DENND2D: variants seen among roughly 807,000 people sequenced by gnomAD.
DENND2D encodes the protein DENN domain-containing protein 2D.
In DENND2D, 37 loss-of-function variants were observed where a neutral mutation model predicts 59.8. The ratio of observed to expected loss-of-function variants is 0.62; its 90% CI spans 0.48 to 0.81. The LOEUF is 0.81. Ranked by LOEUF, DENND2D falls within the 40% of genes least tolerant of loss-of-function variation. The pLI is 0.00. For missense variants in DENND2D, 525 were observed against 579.7 expected (o/e 0.91, Z 0.97); for synonymous variants, 219 against 211.3 (o/e 1.04, Z -0.31).
chr1:111,199,498 A>G (rs975053328), intron 2 of DENND2D, 125 bp downstream of exon 2: 9 of 1,079,496 alleles, frequency 8.3e-6, no homozygotes, highest in Non-Finnish European at 1.2e-5. Flanking sequence ...CAGTGAGCTC[A>G]GAGCTCAGGG....
Position 111,189,265 on chromosome 1 carries a change from A to G in DENND2D, c.973-12T>C, listed in dbSNP as rs1237944633. On this transcript the variant is annotated splice_polypyrimidine_tract_variant and intron_variant, in intron 8 of 11. Transcript: ENST00000357640. ...TTGACCAGCAGGACCTGAAATAAAC[A>G]TAGACTGGCTTTCTCTGGTCCTCTT... 1 of 1,614,194 alleles carries G rather than the reference A, an allele frequency of 6.2e-7. No homozygotes were observed. Among genetic ancestry groups the G allele is most frequent in the African/African-American group, 1.3e-5 (1 of 75,070 alleles).
At position 111,192,230 on chromosome 1, in the gene DENND2D, G is replaced by A. The variant is rs140593688; in HGVS notation, c.882C>T (p.Ser294=). 1.4e-5 allele frequency: 22 copies of A among 1,613,912 alleles called. No homozygotes were observed. The African/African-American group carries it at 2.5e-4, about 19-fold the overall frequency. ...TGGGGCAGCAGACGGTGGCCAGAAG[G>A]CTCTCAGGGACAACAGGGATGTAGG... is the stretch of plus-strand genomic sequence containing the variant. ...AHTYIPVVPE[S]LLATVCCPTP... The change falls in exon 8 of 12, where the codon AGC becomes AGT. Residue 294 remains serine (S), a synonymous_variant. Transcript: ENST00000357640.
Position 111,186,420 on chromosome 1 carries a change from TGGCTTG to T in DENND2D, c.*1179_*1184del, listed in dbSNP as rs1657255440. Among the ~76,000 whole-genome samples, 1 of 152,218 alleles carries T rather than the reference TGGCTTG, an allele frequency of 6.6e-6. No individual in the cohort carries two copies. The highest frequency in any genetic ancestry group is 1.5e-5 in the Non-Finnish European group (1 of 68,034). On this transcript the variant is annotated 3_prime_UTR_variant, in exon 12 of 12. Transcript: ENST00000357640. ...CTGCACTCCCAAAAGCAAATTACATTGGCTTGAACTTCAGTATGCCCGGTTCCACCC... is the reference window on the plus strand; with the variant it reads ...CTGCACTCCCAAAAGCAAATTACATTAACTTCAGTATGCCCGGTTCCACCC...
chr1:111,197,073 G>T, intron 5 of DENND2D, 103 bp downstream of exon 5: 1 of 1,312,566 alleles, frequency 7.6e-7, no homozygotes, highest in Non-Finnish European at 1.1e-6. Flanking sequence ...TGCTGACTCT[G>T]GCTATGGGAG....
chr1:111,197,216 C>G lies in DENND2D; in HGVS notation c.464G>C (p.Cys155Ser). 1 of 1,613,884 alleles carries G rather than the reference C, an allele frequency of 6.2e-7. No individual in the cohort carries two copies. Among genetic ancestry groups the G allele is most frequent in the South Asian group, 1.1e-5 (1 of 91,006 alleles). Residue 155 changes from cysteine to serine, a missense_variant, in exon 5 of 12, where the codon TGC becomes TCC. By Grantham distance (112) the Cys-to-Ser change is moderately radical (BLOSUM62 -1). This residue lies in a region of DENND2D where 253 missense variants were observed against 246.4 expected (regional missense o/e 1.03). Transcript: ENST00000357640. The part of the protein sequence containing the change: ...GPGPRLPKVY[C>S]IISCIGCFGL... ...GAAGCAGCCGATGCAGCTGATGATGCAGTACACTTTGGGAAGGCGAGGGCC... is the reference window on the plus strand; with the variant it reads ...GAAGCAGCCGATGCAGCTGATGATGGAGTACACTTTGGGAAGGCGAGGGCC...
intron 4 of DENND2D, 62 bp from the exon 5 acceptor site, chr1:111,197,315 G>C: frequency 6.4e-7 from 1 of 1,569,150 alleles, no homozygotes; most frequent in South Asian, 1.2e-5. Flanking sequence ...CTCCCAACTG[G>C]GTATGAAGGA....
upstream of DENND2D, chr1:111,201,386 G>C (rs1658787311): frequency 1.3e-5 from 2 of 152,228 alleles, no homozygotes; most frequent in African/African-American, 4.8e-5. Flanking sequence ...CCAGCATAAG[G>C]TAGGGGACTG....
rs1159963627 is a variant in DENND2D at position 111,197,225 on chromosome 1, T to G, written c.455A>C (p.Lys152Thr). The G allele has an allele frequency of 1.9e-6, 3 of 1,613,608 alleles. No individual in the cohort carries two copies. Among genetic ancestry groups the G allele is most frequent in the African/African-American group, 1.3e-5 (1 of 74,882 alleles). ...LPAGPGPRLP[K>T]VYCIISCIGC... ...GATGCAGCTGATGATGCAGTACACT[T>G]TGGGAAGGCGAGGGCCAGGGCCGGC... is the stretch of plus-strand genomic sequence containing the variant. Residue 152 changes from lysine (K) to threonine (T), a missense_variant, in exon 5 of 12, where the codon AAA becomes ACA. Coordinates refer to ENST00000357640, the MANE Select transcript of DENND2D (RefSeq NM_024901.5).
chr1:111,202,500 G>C (rs1387502003), upstream of DENND2D: 1 of 152,156 alleles, frequency 6.6e-6, no homozygotes, highest in Non-Finnish European at 1.5e-5. Flanking sequence ...ACCCTTTCTA[G>C]GGAAGTCAGG....
In DENND2D at chr1:111,197,753, G is replaced by A. The variant is rs1047708540; in HGVS notation, c.426+167C>T. On this transcript the variant is annotated intron_variant, in intron 4 of 11. Transcript: ENST00000357640. ...GAAGGGGCATCAGGTCCTCGTGCTT[G>A]TGGGGCTGCAGAGGGAGCACTAGCA... 30 of 1,435,622 alleles carry A rather than the reference G, an allele frequency of 2.1e-5. No homozygotes were observed. The African/African-American group carries it at 2.4e-4, about 12-fold the overall frequency. The allele number at this position is 1,435,622 out of a possible 1,614,324, so 88.9% of individuals were successfully genotyped here. A position where few individuals can be genotyped will look rare whatever the true frequency, so the allele number is the denominator to read the frequency against.
Position 111,199,689 on chromosome 1 carries a change from C to T in DENND2D, c.177G>A (p.Val59=), listed in dbSNP as rs998560492. 1.9e-6 allele frequency: 3 copies of T among 1,613,964 alleles called. No homozygotes were observed. Among genetic ancestry groups the T allele is most frequent in the African/African-American group, 1.3e-5 (1 of 74,886 alleles). ...GGQHFFEYLL[V]VSLKKKRSED... ...CTGAACGCTTCTTTTTGAGAGAAAC[C>T]ACAAGAAGGTATTCAAAGAAGTGCT... The change falls in exon 2 of 12, where the codon GTG becomes GTA. Residue 59 remains valine (V), a synonymous_variant. Coordinates refer to ENST00000357640, the MANE Select transcript of DENND2D (RefSeq NM_024901.5).
intron 8 of DENND2D, among the ~76,000 whole-genome samples, chr1:111,190,174 A>ACAAAACAAAAC (rs1553241787): frequency 6.7e-6 from 1 of 148,754 alleles, no homozygotes; most frequent in African/African-American, 2.5e-5. Context: ...AAAAAAAAAA[A>ACAAAACAAAAC]AAAAAAAAAC....
At position 111,188,354 on chromosome 1, in the gene DENND2D, G is replaced by A. The variant is rs747003367; in HGVS notation, c.1116C>T (p.Asn372=). 8 of 1,613,636 alleles carry A rather than the reference G, an allele frequency of 5.0e-6. No homozygotes were observed. Among genetic ancestry groups the A allele is most frequent in the South Asian group, 3.3e-5 (3 of 91,074 alleles). ...GCACAAAGGGGCCTGAAACATGCTC[G>A]TTGATTTGTTCTGCAGCTGCAGGAG... is the stretch of plus-strand genomic sequence containing the variant. ...INELKTAEQI[N]EHVSGPFVQF... is the part of the protein sequence containing the mutation. The change falls in exon 11 of 12, where the codon AAC becomes AAT. Residue 372 remains asparagine (N), a synonymous_variant. Coordinates refer to ENST00000357640, the MANE Select transcript of DENND2D (RefSeq NM_024901.5).
Position 111,187,699 on chromosome 1 carries a change from G to C in DENND2D, c.1340-18C>G. 1 of 1,594,848 alleles carries C rather than the reference G, an allele frequency of 6.3e-7. No homozygotes were observed. ...GAAATAGCCTGTGGGTTCAAATACA[G>C]GTGTTAGAGGCATCTGATCTGGTCA... On this transcript the variant is annotated intron_variant, in intron 11 of 11. Coordinates refer to ENST00000357640, the MANE Select transcript of DENND2D (RefSeq NM_024901.5).
upstream of DENND2D, chr1:111,200,711 A>C: frequency 7.8e-7 from 1 of 1,280,692 alleles, no homozygotes; most frequent in Non-Finnish European, 1.0e-6. Context: ...ACTGCAGCGC[A>C]GATCTCAGCT....
chr1:111,199,114 G>A (rs992984910), intron 2 of DENND2D, among the ~76,000 whole-genome samples: 3 of 152,356 alleles, frequency 2.0e-5, no homozygotes, highest in African/African-American at 7.2e-5. Flanking sequence ...GAAGCGGCCA[G>A]CTCAGTTGGC....
At chr1:111,201,350 G>A (rs936116815), upstream of DENND2D, 1 of 152,200 alleles carries the variant, frequency 6.6e-6, no homozygotes, top group Non-Finnish European at 1.5e-5. Flanking sequence ...TTCTCAAATA[G>A]GAAGCACTGG....
intron 3 of DENND2D, among the ~76,000 whole-genome samples, chr1:111,198,398 T>C (rs1484609546): frequency 3.3e-5 from 5 of 152,318 alleles, no homozygotes; most frequent in Admixed American, 2.0e-4. Flanking sequence ...CAACTATTGC[T>C]TCTAGGACAG....
At chr1:111,198,773 T>C (rs1658506562) in intron 2 of DENND2D, 31 bp from the exon 3 acceptor site, 1 of 1,610,950 alleles carries the variant, frequency 6.2e-7, no homozygotes, top group African/African-American at 1.3e-5. Flanking sequence ...CAAGTGGATG[T>C]GAAGCTGGGG....
Sources: gnomAD v4.1 joint callset for allele counts (sites outside exome capture counted in the v4.1 genomes callset) on GRCh38, gnomAD v4.1.1 for gene constraint, gnomAD v4.1.1 regional missense constraint, MANE v1.5 for transcripts, NCBI Gene and HGNC (gene_info 2026-07-23, HGNC 2026-07-21) for gene names.